The following CBFB variants were observed in gnomAD, a reference collection of about 807,000 sequenced individuals.
The protein encoded by CBFB is CBF-beta.
CBFB carries 9 observed loss-of-function variants against 30.4 expected under a neutral mutation model. That is an observed-to-expected ratio of 0.30 (90% CI 0.18 to 0.52). The LOEUF is 0.52. Ranked by LOEUF, CBFB falls within the 20% of genes least tolerant of loss-of-function variation. The probability of loss-of-function intolerance (pLI) is 0.97; values close to 1 mark genes in which losing one functional copy is unlikely to be tolerated. For missense variants in CBFB, 170 were observed against 244.0 expected, an observed-to-expected ratio of 0.70 and a Z score of 2.02; for synonymous variants, 94 against 84.0, an observed-to-expected ratio of 1.12 and a Z score of -0.65.
intron 4 of CBFB, among the ~76,000 whole-genome samples, chr16:67,067,370 T>TA (rs1247556775): frequency 1.3e-5 from 2 of 151,860 alleles, no homozygotes; most frequent in African/African-American, 4.8e-5. Context: ...ATATAAAAAT[T>TA]AGCCAGGCAT....
intron 5 of CBFB, 96 bp downstream of exon 5, chr16:67,082,404 G>A (rs1440794408): frequency 2.1e-6 from 3 of 1,409,554 alleles, no homozygotes; most frequent in African/African-American, 2.9e-5. Flanking sequence ...CTTTTTAATA[G>A]TTTAATTTTG....
chr16:67,034,167 C>T (rs765331254), intron 2 of CBFB, among the ~76,000 whole-genome samples: 4 of 152,090 alleles, frequency 2.6e-5, no homozygotes, highest in East Asian at 1.9e-4. Context: ...ATGTTGGAGA[C>T]GTCTTCAACA....
At chr16:67,029,523 CGCCCCGAGTGG>C in intron 1 of CBFB, 38 bp downstream of exon 1, 1 of 1,554,296 alleles carries the variant, frequency 6.4e-7, no homozygotes, top group Non-Finnish European at 8.7e-7. Flanking sequence ...GGCCGCAGCG[CGCCCCGAGTGG>C]GCCCGGGCGG....
At chr16:67,077,140 AC>A in intron 4 of CBFB, among the ~76,000 whole-genome samples, 1 of 152,356 alleles carries the variant, frequency 6.6e-6, no homozygotes, top group East Asian at 1.9e-4. Flanking sequence ...CATTTGTATT[AC>A]CAACATAAGC....
chr16:67,054,890 G>T (rs1225893128), intron 3 of CBFB, among the ~76,000 whole-genome samples: 2 of 151,630 alleles, frequency 1.3e-5, no homozygotes, highest in African/African-American at 4.8e-5. Context: ...GCGTAGCTGG[G>T]ACTAGAGGTG....
intron 5 of CBFB, among the ~76,000 whole-genome samples, chr16:67,084,953 G>A (rs2145775155): frequency 6.6e-6 from 1 of 152,330 alleles, no homozygotes; most frequent in East Asian, 1.9e-4. Flanking sequence ...TATGGTCATT[G>A]TGAGGATTAA....
At chr16:67,097,468 C>A (rs1172683016) in intron 5 of CBFB, among the ~76,000 whole-genome samples, 1 of 151,408 alleles carries the variant, frequency 6.6e-6, no homozygotes, top group African/African-American at 2.4e-5. Flanking sequence ...TTGCTTGAAC[C>A]CGGGAGTTGG....
intron 2 of CBFB, among the ~76,000 whole-genome samples, chr16:67,033,699 C>T (rs1477004574): frequency 1.3e-5 from 2 of 151,226 alleles, no homozygotes; most frequent in Non-Finnish European, 2.9e-5. Context: ...GCAAGCTCCG[C>T]CTCCTGGGTT....
At chr16:67,082,178 C>G (rs777543960) in intron 4 of CBFB, 35 bp from the exon 5 acceptor site, 4 of 1,316,038 alleles carry the variant, frequency 3.0e-6, no homozygotes, top group Non-Finnish European at 2.0e-6. Flanking sequence ...TTTTATAAAT[C>G]AAAATTAAAA....
chr16:67,048,830 T>C (rs1232597116), intron 3 of CBFB, among the ~76,000 whole-genome samples: 1 of 145,916 alleles, frequency 6.9e-6, no homozygotes, highest in African/African-American at 2.5e-5. Flanking sequence ...TTTCTTTTTT[T>C]TTTTTTTGAG....
intron 2 of CBFB, among the ~76,000 whole-genome samples, chr16:67,033,818 TG>T (rs1200345674): frequency 2.4e-4 from 34 of 139,052 alleles, no homozygotes; most frequent in Admixed American, 4.2e-4. Flanking sequence ...GTTTCACCGT[TG>T]TTTTTTTTTT....
intron 3 of CBFB, among the ~76,000 whole-genome samples, chr16:67,057,606 A>G (rs941616750): frequency 3.9e-5 from 6 of 152,268 alleles, no homozygotes; most frequent in Non-Finnish European, 7.4e-5. Context: ...ATGTTTTTCA[A>G]TTTATTTTAA....
chr16:67,032,180 T>A (rs1966363071), intron 2 of CBFB, among the ~76,000 whole-genome samples: 1 of 152,158 alleles, frequency 6.6e-6, no homozygotes, highest in Non-Finnish European at 1.5e-5. Context: ...TGTCATGAAT[T>A]TATTTCCAGG....
chr16:67,092,613 C>A (rs779617280), intron 5 of CBFB, among the ~76,000 whole-genome samples: 5 of 151,126 alleles, frequency 3.3e-5, no homozygotes, highest in Admixed American at 6.6e-5. Flanking sequence ...TTATTTTTCT[C>A]CCTTCCTTCC....
chr16:67,047,689 A>T (rs546185433), intron 3 of CBFB, among the ~76,000 whole-genome samples: 1 of 150,204 alleles, frequency 6.7e-6, no homozygotes, highest in South Asian at 2.1e-4. Context: ...AACCCTTTAA[A>T]TTTTTTTTTT....
chr16:67,077,482 G>A (rs954547187), intron 4 of CBFB, among the ~76,000 whole-genome samples: 1 of 152,166 alleles, frequency 6.6e-6, no homozygotes, highest in African/African-American at 2.4e-5. Flanking sequence ...AGATTGATGT[G>A]TTAAATGTAC....
chr16:67,064,051 T>C (rs533077853), intron 3 of CBFB, among the ~76,000 whole-genome samples: 2 of 152,326 alleles, frequency 1.3e-5, no homozygotes, highest in Admixed American at 6.5e-5. Flanking sequence ...TTAATAAATA[T>C]ATATTTGATA....
chr16:67,066,686 A>G lies in CBFB; in HGVS notation c.287A>G (p.Tyr96Cys). 6.4e-7 allele frequency: 1 copy of G among 1,571,254 alleles called. No individual in the cohort carries two copies. The highest frequency in any genetic ancestry group is 2.2e-5 in the East Asian group (1 of 44,580). ...TCATCCTTTTCTGTGTCTTAGGTAT[A>G]TTTGAAGGCTCCCATGATTCTGAAT... ...VDLEREAGKV[Y>C]LKAPMILNGV... The change falls in exon 4 of 6, where the codon TAT becomes TGT. Residue 96 changes from tyrosine (Y) to cysteine (C), a missense_variant. Physicochemically the swap from Tyr to Cys is radical, Grantham distance 194 (BLOSUM62 -2). Transcript: ENST00000412916.
At chr16:67,043,019 AGCCACTGCGCCTGGTCCACCAT>A (rs2145721457) in intron 3 of CBFB, among the ~76,000 whole-genome samples, 1 of 152,252 alleles carries the variant, frequency 6.6e-6, no homozygotes, top group South Asian at 2.1e-4. Context: ...TACAGGTGTG[AGCCACTGCGCCTGGTCCACCAT>A]GCCTTTTATG....
Sources: gnomAD v4.1 joint callset for allele counts (sites outside exome capture counted in the v4.1 genomes callset) on GRCh38, gnomAD v4.1.1 for gene constraint, MANE v1.5 for transcripts, NCBI Gene and HGNC (gene_info 2026-07-23, HGNC 2026-07-21) for gene names.